ARHGAP24: variants seen among roughly 807,000 people sequenced by gnomAD.
The protein encoded by ARHGAP24 is rho GTPase-activating protein 24.
ARHGAP24 carries 50 observed loss-of-function variants against 76.4 expected under a neutral mutation model. That is an observed-to-expected ratio of 0.65 (90% CI 0.52 to 0.83). The LOEUF (loss-of-function observed/expected upper bound fraction) is 0.83, where lower values mean the gene tolerates loss of function less well. Among genes scored for constraint, ARHGAP24 ranks in the 40% least tolerant of loss-of-function variants. The probability of loss-of-function intolerance (pLI) is 0.00; values close to 1 mark genes in which losing one functional copy is unlikely to be tolerated. For missense variants in ARHGAP24, 930 were observed against 914.2 expected, an observed-to-expected ratio of 1.02 and a Z score of -0.22; for synonymous variants, 345 against 323.3, an observed-to-expected ratio of 1.07 and a Z score of -0.72.
intron 4 of ARHGAP24, chr4:85,931,105 G>A (rs1460396329): frequency 6.7e-7 from 1 of 1,500,528 alleles, no homozygotes; most frequent in East Asian, 2.5e-5. Flanking sequence ...TAGGCTTTAA[G>A]GTCTGTTTAT....
intron 2 of ARHGAP24, among the ~76,000 whole-genome samples, chr4:85,624,350 G>A (rs1277385072): frequency 6.6e-6 from 1 of 152,004 alleles, no homozygotes; most frequent in Non-Finnish European, 1.5e-5. Flanking sequence ...TAATCATGTG[G>A]TTTTTATCTT....
intron 8 of ARHGAP24, among the ~76,000 whole-genome samples, chr4:85,985,780 G>A (rs1233447969): frequency 1.3e-5 from 2 of 152,144 alleles, no homozygotes; most frequent in South Asian, 2.1e-4. Flanking sequence ...CTAATCATTT[G>A]CTGTGCATTT....
At chr4:85,508,462 T>C (rs1223666509) in intron 1 of ARHGAP24, among the ~76,000 whole-genome samples, 1 of 152,186 alleles carries the variant, frequency 6.6e-6, no homozygotes, top group African/African-American at 2.4e-5. Flanking sequence ...TTAAAAGAAG[T>C]GTTTCTCTGC....
intron 2 of ARHGAP24, among the ~76,000 whole-genome samples, chr4:85,609,718 A>G (rs1720317820): frequency 6.6e-6 from 1 of 152,180 alleles, no homozygotes; most frequent in African/African-American, 2.4e-5. Context: ...TAATAATTGC[A>G]CATATTAATG....
At chr4:85,705,031 T>C (rs4488930) in intron 2 of ARHGAP24, among the ~76,000 whole-genome samples, 97,586 of 151,806 alleles carry the variant, frequency 0.64, 33,779 homozygotes, top group Non-Finnish European at 0.79. Flanking sequence ...ATACCTATTC[T>C]TCACATTTAA....
chr4:85,872,398 G>A (rs1270811194), intron 3 of ARHGAP24, among the ~76,000 whole-genome samples: 1 of 151,730 alleles, frequency 6.6e-6, no homozygotes, highest in East Asian at 1.9e-4. Context: ...CCTGATTCAA[G>A]CAATTCTCCT....
chr4:85,941,413 G>A (rs1218266717), intron 4 of ARHGAP24, among the ~76,000 whole-genome samples: 1 of 152,104 alleles, frequency 6.6e-6, no homozygotes, highest in Non-Finnish European at 1.5e-5. Flanking sequence ...CTACCTGTTA[G>A]GGCAAGCCAC....
chr4:85,809,994 C>T (rs889585660), intron 3 of ARHGAP24, among the ~76,000 whole-genome samples: 1 of 152,136 alleles, frequency 6.6e-6, no homozygotes, highest in African/African-American at 2.4e-5. Flanking sequence ...ACTCAATTTC[C>T]TCATTTGTAA....
In ARHGAP24 at chr4:85,723,997, A is replaced by G. The variant is rs138179547; in HGVS notation, c.268+2025A>G. 6.1e-3 allele frequency among the ~76,000 whole-genome samples: 930 copies of G among 151,540 alleles called. 8 individuals carry two copies. The highest frequency in any genetic ancestry group is 0.021 in the African/African-American group (877 of 40,840). ...AAGATAATATTTTTCAATTTTTTCA[A>G]TGGTGTAATTGTTTAACATGATAAT... On this transcript the variant is annotated intron_variant, in intron 3 of 9. Transcript: ENST00000395184.
chr4:85,527,194 TCTC>T (rs1560520449), intron 1 of ARHGAP24, among the ~76,000 whole-genome samples: 1 of 152,168 alleles, frequency 6.6e-6, no homozygotes, highest in Non-Finnish European at 1.5e-5. Flanking sequence ...TGAGGCTGTA[TCTC>T]ATTAATAATG....
intron 2 of ARHGAP24, among the ~76,000 whole-genome samples, chr4:85,600,484 G>C (rs113813945): frequency 1.3e-5 from 2 of 152,166 alleles, no homozygotes. Context: ...CGTGAGAAGA[G>C]GGAGATGGGG....
chr4:85,873,873 G>T (rs146399413), intron 3 of ARHGAP24, among the ~76,000 whole-genome samples: 1 of 152,244 alleles, frequency 6.6e-6, no homozygotes, highest in African/African-American at 2.4e-5. Context: ...ACCTCTGTAT[G>T]AATAAAATAA....
intron 2 of ARHGAP24, among the ~76,000 whole-genome samples, chr4:85,679,554 CCCTCAGT>C (rs1723124587): frequency 6.6e-6 from 1 of 152,068 alleles, no homozygotes; most frequent in Admixed American, 6.6e-5. Flanking sequence ...TGGTCTCTGG[CCCTCAGT>C]CCATTAATTT....
intron 8 of ARHGAP24, among the ~76,000 whole-genome samples, chr4:85,985,987 T>A (rs1159394245): frequency 3.3e-5 from 5 of 152,262 alleles, no homozygotes; most frequent in African/African-American, 1.2e-4. Flanking sequence ...TAGTTATTTT[T>A]ATTTTATTTT....
At chr4:85,625,394 C>G (rs928959425) in intron 2 of ARHGAP24, among the ~76,000 whole-genome samples, 1 of 152,182 alleles carries the variant, frequency 6.6e-6, no homozygotes, top group African/African-American at 2.4e-5. Flanking sequence ...GAGTGAGTTT[C>G]TTAATCCTGA....
rs1038847690 is a variant in ARHGAP24 at position 85,810,713 on chromosome 4, A to C, written c.268+88741A>C. Among the ~76,000 whole-genome samples the C allele has an allele frequency of 2.6e-5, 4 of 152,352 alleles. No homozygotes were observed. The East Asian group carries it at 5.8e-4, about 22-fold the overall frequency. Reference sequence around the variant, plus strand: ...TTGTTTTACCAAAAGCTAGCTAAACATCAGCATTTTATCCTCTGAACCCAA... The same window carrying C: ...TTGTTTTACCAAAAGCTAGCTAAACCTCAGCATTTTATCCTCTGAACCCAA... On this transcript the variant is annotated intron_variant, in intron 3 of 9. Coordinates refer to ENST00000395184, the MANE Select transcript of ARHGAP24 (RefSeq NM_001025616.3).
intron 8 of ARHGAP24, among the ~76,000 whole-genome samples, chr4:85,981,211 A>G (rs1373942430): frequency 6.6e-6 from 1 of 152,218 alleles, no homozygotes; most frequent in Non-Finnish European, 1.5e-5. Flanking sequence ...GACAACTGAC[A>G]AACTACAGTT....
chr4:85,750,611 T>G (rs1232313334), intron 3 of ARHGAP24, among the ~76,000 whole-genome samples: 2 of 145,894 alleles, frequency 1.4e-5, no homozygotes, highest in Non-Finnish European at 3.0e-5. Context: ...TTCTCTTGCC[T>G]CAGCTTCCCG....
chr4:85,829,847 T>A (rs1729899904), intron 3 of ARHGAP24, among the ~76,000 whole-genome samples: 1 of 152,184 alleles, frequency 6.6e-6, no homozygotes, highest in Non-Finnish European at 1.5e-5. Context: ...CACTAGAAAG[T>A]AAGTCACCTA....
Sources: allele counts gnomAD v4.1 joint callset (sites outside exome capture counted in the v4.1 genomes callset), GRCh38; gene constraint gnomAD v4.1.1; transcripts MANE v1.5; gene names NCBI Gene and HGNC (gene_info 2026-07-23, HGNC 2026-07-21).